The following OSBPL3 variants were observed in gnomAD, a reference collection of about 807,000 sequenced individuals.
OSBPL3 encodes the protein oxysterol binding protein like 3, also known as oxysterol-binding protein-related protein 3.
OSBPL3 carries 65 observed loss-of-function variants against 120.1 expected under a neutral mutation model. That is an observed-to-expected ratio of 0.54 (90% CI 0.44 to 0.67). The LOEUF (loss-of-function observed/expected upper bound fraction) is 0.67, where lower values mean the gene tolerates loss of function less well. OSBPL3 is among the 30% of genes least tolerant of loss of function. The pLI is 0.00. For synonymous variants in OSBPL3, 416 were observed against 402.6 expected (o/e 1.03, Z -0.40); for missense variants, 1,004 against 1,082.1 (o/e 0.93, Z 1.01).
chr7:24,980,562 CG>C (rs140661162), upstream of OSBPL3, among the ~76,000 whole-genome samples: 1,263 of 151,804 alleles, frequency 8.3e-3, 21 homozygotes, highest in African/African-American at 0.029. Flanking sequence ...GAGGGCAGCG[CG>C]GGAGGGGCAG....
At chr7:24,846,791 G>A (rs1798498423) in intron 12 of OSBPL3, among the ~76,000 whole-genome samples, 1 of 152,144 alleles carries the variant, frequency 6.6e-6, no homozygotes, top group African/African-American at 2.4e-5. Flanking sequence ...GAGGCCGGGC[G>A]CAGTGGCTCA....
intron 1 of OSBPL3, among the ~76,000 whole-genome samples, chr7:24,917,401 CAT>C (rs59525014): frequency 0.099 from 9,878 of 99,992 alleles, 762 homozygotes; most frequent in East Asian, 0.24. Flanking sequence ...ATATTTGTAA[CAT>C]ATATATATAT....
At chr7:24,825,005 G>A (rs1795535694) in intron 16 of OSBPL3, among the ~76,000 whole-genome samples, 1 of 152,210 alleles carries the variant, frequency 6.6e-6, no homozygotes, top group African/African-American at 2.4e-5. Context: ...AGGAGGTGGG[G>A]TAAGTAGGAG....
In OSBPL3 at chr7:24,930,972, C is replaced by T. The variant is rs765141723; in HGVS notation, c.-149-38351G>A. Among the ~76,000 whole-genome samples the T allele has an allele frequency of 2.0e-5, 3 of 152,130 alleles. No individual in the cohort carries two copies. The highest frequency in any genetic ancestry group is 1.9e-4 in the East Asian group (1 of 5,198). ...TTATTTAACATTCTCACAGGAAGTA[C>T]GTGTTCAGAGGCAAAAAGTGAGCTG... On this transcript the variant is annotated intron_variant, in intron 1 of 22. Coordinates refer to ENST00000313367, the MANE Select transcript of OSBPL3 (RefSeq NM_015550.4). The surrounding 1 kb of genome is among the most constrained non-coding windows in gnomAD (Gnocchi z 4.4).
In OSBPL3 at chr7:24,813,585, G is replaced by A. The variant is rs77816759; in HGVS notation, c.2172+1474C>T. 0.03 allele frequency among the ~76,000 whole-genome samples: 4,525 copies of A among 152,200 alleles called. 197 individuals carry two copies. The highest frequency in any genetic ancestry group is 0.097 in the African/African-American group (4,009 of 41,500). On this transcript the variant is annotated intron_variant, in intron 19 of 22. Coordinates refer to ENST00000313367, the MANE Select transcript of OSBPL3 (RefSeq NM_015550.4). The surrounding 1 kb of genome is among the most constrained non-coding windows in gnomAD (Gnocchi z 4.5). Reference sequence around the variant, plus strand: ...TTTGTCCCACATGTAAGGTCATTATGGGCTTTATGTCTGTCTATAATCCAG... The same window carrying A: ...TTTGTCCCACATGTAAGGTCATTATAGGCTTTATGTCTGTCTATAATCCAG...
intron 2 of OSBPL3, among the ~76,000 whole-genome samples, chr7:24,888,145 AG>A (rs1053300290): frequency 6.6e-6 from 1 of 152,240 alleles, no homozygotes; most frequent in African/African-American, 2.4e-5. Context: ...ATACTGTAAA[AG>A]TTCCTGGGAG....
Position 24,798,955 on chromosome 7 carries a change from C to T in OSBPL3, c.*1228G>A, listed in dbSNP as rs1354672554. The T allele has an allele frequency of 2.0e-5, 3 of 152,514 alleles. No homozygotes were observed. Among genetic ancestry groups the T allele is most frequent in the Non-Finnish European group, 4.4e-5 (3 of 68,014 alleles). The allele number at this position is 152,514 out of a possible 1,614,324, so 9.4% of individuals were successfully genotyped here. A position where few individuals can be genotyped will look rare whatever the true frequency, so the allele number is the denominator to read the frequency against. On this transcript the variant is annotated 3_prime_UTR_variant, in exon 23 of 23. Coordinates refer to ENST00000313367, the MANE Select transcript of OSBPL3 (RefSeq NM_015550.4). The surrounding 1 kb of genome is among the most constrained non-coding windows in gnomAD (Gnocchi z 4.6). ...ATGTGAAATAACACATTTAAAAAGA[C>T]GAAGGTTCCCCTTTCAGTAGTTATA...
intron 5 of OSBPL3, 30 bp from the exon 6 acceptor site, chr7:24,866,267 CAA>C (rs749477198): frequency 1.4e-5 from 21 of 1,498,276 alleles, no homozygotes; most frequent in South Asian, 4.5e-5. Flanking sequence ...AAAAAGGAAA[CAA>C]GAGAATCATT....
chr7:24,895,189 T>C (rs893528923), intron 1 of OSBPL3, among the ~76,000 whole-genome samples: 5 of 152,226 alleles, frequency 3.3e-5, no homozygotes, highest in Non-Finnish European at 4.4e-5. Flanking sequence ...GAGAAGGATA[T>C]ATAGTCGCAT....
In OSBPL3 at chr7:24,799,186, T is replaced by C. The variant is rs1321152768; in HGVS notation, c.*997A>G. On this transcript the variant is annotated 3_prime_UTR_variant, in exon 23 of 23. Transcript: ENST00000313367. This position sits in a 1 kb window ranked among gnomAD's most constrained non-coding sequence, Gnocchi z 5.3. ...ATGGTGCTTATTAAGAGGTAGAAAATACTAAAACAGCATTTAAGAAAAACA... is the reference window on the plus strand; with the variant it reads ...ATGGTGCTTATTAAGAGGTAGAAAACACTAAAACAGCATTTAAGAAAAACA... 1 of 152,586 alleles carries C rather than the reference T, an allele frequency of 6.6e-6. No homozygotes were observed. The highest frequency in any genetic ancestry group is 1.5e-5 in the Non-Finnish European group (1 of 68,034). The allele number at this position is 152,586 out of a possible 1,614,324, so 9.5% of individuals were successfully genotyped here. A position where few individuals can be genotyped will look rare whatever the true frequency, so the allele number is the denominator to read the frequency against.
In OSBPL3 at chr7:24,817,257, C is replaced by T. The variant is rs1444289917; in HGVS notation, c.1949-569G>A. Reference sequence around the variant, plus strand: ...CAAAACCAGGTGCAGTGGCTCATGCCTGTAATCCTAGCACTTTGGGAGGCA... The same window carrying T: ...CAAAACCAGGTGCAGTGGCTCATGCTTGTAATCCTAGCACTTTGGGAGGCA... On this transcript the variant is annotated intron_variant, in intron 17 of 22. Transcript: ENST00000313367. This position sits in a 1 kb window ranked among gnomAD's most constrained non-coding sequence, Gnocchi z 4.0. Among the ~76,000 whole-genome samples the T allele has an allele frequency of 1.3e-5, 2 of 152,148 alleles. No individual in the cohort carries two copies. Among genetic ancestry groups the T allele is most frequent in the Non-Finnish European group, 2.9e-5 (2 of 68,022 alleles).
chr7:24,981,352 T>C (rs1033789517), upstream of OSBPL3: 2 of 152,084 alleles, frequency 1.3e-5, no homozygotes, highest in African/African-American at 4.8e-5. The surrounding 1 kb of genome is among the most constrained non-coding windows in gnomAD (Gnocchi z 7.3). Context: ...GCGAAGGGAA[T>C]AGCAAATACA....
intron 1 of OSBPL3, among the ~76,000 whole-genome samples, chr7:24,954,087 C>T (rs1382150034): frequency 6.6e-6 from 1 of 152,190 alleles, no homozygotes; most frequent in Non-Finnish European, 1.5e-5. Flanking sequence ...CTTCTACTTT[C>T]TCCCAAAACT....
In OSBPL3 at chr7:24,827,681, T is replaced by C. The variant is rs1205801853; in HGVS notation, c.1884+3087A>G. On this transcript the variant is annotated intron_variant, in intron 16 of 22. Transcript: ENST00000313367. This position sits in a 1 kb window ranked among gnomAD's most constrained non-coding sequence, Gnocchi z 5.1. Reference sequence around the variant, plus strand: ...CTCTTGTAAGCTTAGTGTGAATTTATCCCTGAGAGACTCATCCATTCTTAG... The same window carrying C: ...CTCTTGTAAGCTTAGTGTGAATTTACCCCTGAGAGACTCATCCATTCTTAG... Among the ~76,000 whole-genome samples the C allele has an allele frequency of 6.6e-6, 1 of 152,226 alleles. No homozygotes were observed. Among genetic ancestry groups the C allele is most frequent in the African/African-American group, 2.4e-5 (1 of 41,446 alleles).
Position 24,922,051 on chromosome 7 carries a change from C to T in OSBPL3, c.-149-29430G>A, listed in dbSNP as rs553966680. ...TGGTACACAGCAGCCACCTCAAAAA[C>T]GCTTGTGGAATCTCTATACTTCTAA... On this transcript the variant is annotated intron_variant, in intron 1 of 22. Transcript: ENST00000313367. The surrounding 1 kb of genome is among the most constrained non-coding windows in gnomAD (Gnocchi z 4.3). Among the ~76,000 whole-genome samples the T allele has an allele frequency of 2.2e-4, 34 of 152,296 alleles. No homozygotes were observed. The highest frequency in any genetic ancestry group is 7.9e-4 in the African/African-American group (33 of 41,558).
Position 24,867,415 on chromosome 7 carries a change from A to C in OSBPL3, c.382-1178T>G, listed in dbSNP as rs1016153177. ...TTGGCTGTGTCCCATGTCCCACCCA[A>C]ATCTCATCCTGAATTCCCACATTTT... On this transcript the variant is annotated intron_variant, in intron 5 of 22. Transcript: ENST00000313367. The surrounding 1 kb of genome is among the most constrained non-coding windows in gnomAD (Gnocchi z 4.5). 2.0e-5 allele frequency among the ~76,000 whole-genome samples: 3 copies of C among 152,152 alleles called. No homozygotes were observed. Among genetic ancestry groups the C allele is most frequent in the Non-Finnish European group, 4.4e-5 (3 of 68,030 alleles).
chr7:24,882,858 T>C (rs1360333571), intron 2 of OSBPL3, among the ~76,000 whole-genome samples: 1 of 152,240 alleles, frequency 6.6e-6, no homozygotes, highest in South Asian at 2.1e-4. Flanking sequence ...TGTTGGCCAC[T>C]TGTATGTCTT....
At position 24,879,001 on chromosome 7, in the gene OSBPL3, C is replaced by T. The variant is rs548497304; in HGVS notation, c.97-6932G>A. On this transcript the variant is annotated intron_variant, in intron 2 of 22. Transcript: ENST00000313367. The surrounding 1 kb of genome is among the most constrained non-coding windows in gnomAD (Gnocchi z 5.6). ...AATCTGAAGGCAAAACCAGGACTAACGGGTGGGAACTACAAGGCCCTGGAT... is the reference window on the plus strand; with the variant it reads ...AATCTGAAGGCAAAACCAGGACTAATGGGTGGGAACTACAAGGCCCTGGAT... 3.1e-4 allele frequency among the ~76,000 whole-genome samples: 47 copies of T among 152,216 alleles called. No homozygotes were observed. The highest frequency in any genetic ancestry group is 7.7e-4 in the African/African-American group (32 of 41,544).
chr7:24,961,257 A>C (rs2074335), intron 1 of OSBPL3, among the ~76,000 whole-genome samples: 32,422 of 152,058 alleles, frequency 0.21, 4,450 homozygotes, highest in East Asian at 0.59. Context: ...AACCAATCAT[A>C]AACTGTCTAA....
Sources: allele counts gnomAD v4.1 joint callset (sites outside exome capture counted in the v4.1 genomes callset), GRCh38; gene constraint gnomAD v4.1.1; non-coding constraint Gnocchi (gnomAD v3.1); transcripts MANE v1.5; gene names NCBI Gene and HGNC (gene_info 2026-07-23, HGNC 2026-07-21).